Variants in HAND1 observed in about 807,000 individuals in gnomAD.
HAND1 encodes the protein heart and neural crest derivatives expressed 1.
Under a neutral mutation model 14.5 loss-of-function variants are expected in HAND1, and 10 were observed. The observed-to-expected ratio is 0.69, with a 90% CI of 0.42 to 1.17. HAND1 has a LOEUF of 1.17. HAND1 is among the 50% of genes most tolerant of loss of function. The pLI, the probability that HAND1 is intolerant of heterozygous loss-of-function variation, is 0.00. For synonymous variants in HAND1, 128 were observed against 127.1 expected, an observed-to-expected ratio of 1.01 and a Z score of -0.05; for missense variants, 299 against 298.4, an observed-to-expected ratio of 1.00 and a Z score of -0.01.
In HAND1 at chr5:154,478,014, A is replaced by G; in HGVS notation, c.-6T>C. On this transcript the variant is annotated 5_prime_UTR_variant, in exon 1 of 2. Transcript: ENST00000231121. This position sits in a 1 kb window ranked among gnomAD's most constrained non-coding sequence, Gnocchi z 4.5. ...TAGCTGCCCACGAGGTTCATGTTGG[A>G]GCGGCTACTGGCCTGCGCCGCCAGC... The G allele has an allele frequency of 6.3e-7, 1 of 1,597,312 alleles. No individual in the cohort carries two copies. Among genetic ancestry groups the G allele is most frequent in the East Asian group, 2.2e-5 (1 of 44,848 alleles).
chr5:154,475,854 T>C lies in HAND1; in HGVS notation c.600A>G (p.Gly200=), dbSNP rs942295767. 3 of 1,614,044 alleles carry C rather than the reference T, an allele frequency of 1.9e-6. No individual in the cohort carries two copies. Among genetic ancestry groups the C allele is most frequent in the Admixed American group, 3.3e-5 (2 of 60,026 alleles). The change falls in exon 2 of 2, where the codon GGA becomes GGG. Residue 200 remains glycine (G), a synonymous_variant. Coordinates refer to ENST00000231121, the MANE Select transcript of HAND1 (RefSeq NM_004821.3). ...AGACTTGCTGCGGCCAGCCGGTGCG[T>C]CCTTTAATCCTCTTCTCGACTGGGC... ...ALGPVEKRIK[G]RTGWPQQVWA... is the part of the protein sequence containing the mutation.
At chr5:154,475,974 C>A in intron 1 of HAND1, 64 bp from the exon 2 acceptor site, 2 of 1,257,384 alleles carry the variant, frequency 1.6e-6, no homozygotes, top group South Asian at 1.2e-5. Context: ...CTGCTCCGAT[C>A]GCCCGGCATG....
At position 154,475,734 on chromosome 5, in the gene HAND1, G is replaced by C; in HGVS notation, c.*72C>G. ...CGCCGGAGCCCAGAGCCTGGCGTTC[G>C]CCGCTGCCTTCCTCTCCTCCCGGGG... On this transcript the variant is annotated 3_prime_UTR_variant, in exon 2 of 2. Transcript: ENST00000231121. 8.9e-7 allele frequency: 1 copy of C among 1,129,104 alleles called. No individual in the cohort carries two copies. The highest frequency in any genetic ancestry group is 1.2e-5 in the South Asian group (1 of 80,276). The allele number at this position is 1,129,104 out of a possible 1,614,324, so 69.9% of individuals were successfully genotyped here.
chr5:154,477,197 G>T (rs1026461959), intron 1 of HAND1, among the ~76,000 whole-genome samples: 2 of 152,206 alleles, frequency 1.3e-5, no homozygotes, highest in Admixed American at 1.3e-4. Context: ...AGCAAAACCT[G>T]TGGTGTGTGC....
chr5:154,477,468 G>C lies in HAND1; in HGVS notation c.541C>G (p.Leu181Val). The change falls in exon 1 of 2, where the codon CTG becomes GTG. Residue 181 changes from leucine (L) to valine (V), a missense_variant and splice_region_variant. Leu to Val is a conservative substitution (Grantham distance 32). Coordinates refer to ENST00000231121, the MANE Select transcript of HAND1 (RefSeq NM_004821.3). ...AGCATGCAAGCCCCAGGACTCACCA[G>C]CTCCCTTTTCCGCTTGCTCTCACGG... ...GGRESKRKRE[L>V]QQHEGFPPAL... 1.9e-6 allele frequency: 3 copies of C among 1,613,262 alleles called. No individual in the cohort carries two copies. The highest frequency in any genetic ancestry group is 2.5e-6 in the Non-Finnish European group (3 of 1,179,320).
rs1219669852 is a variant in HAND1 at position 154,477,803 on chromosome 5, G to T, written c.206C>A (p.Ala69Asp). The T allele has an allele frequency of 1.3e-6, 2 of 1,586,212 alleles. No individual in the cohort carries two copies. Among genetic ancestry groups the T allele is most frequent in the Middle Eastern group, 1.8e-4 (1 of 5,712 alleles). ...GGPPPAAAAA[A>D]TAYGPDARPG... ...CCTGGCGTCAGGACCATAGGCGGTG[G>T]CGGCTGCAGCGGCCGCGGGCGGCGG... The change falls in exon 1 of 2, where the codon GCC (alanine) becomes GAC (aspartate). Residue 69 changes from alanine (A) to aspartate (D), a missense_variant. Physicochemically the swap from Ala to Asp is moderately radical, Grantham distance 126. Coordinates refer to ENST00000231121, the MANE Select transcript of HAND1 (RefSeq NM_004821.3).
In HAND1 at chr5:154,478,161, A is replaced by T; in HGVS notation, c.-153T>A. 1.3e-6 allele frequency: 1 copy of T among 789,212 alleles called. No individual in the cohort carries two copies. Among genetic ancestry groups the T allele is most frequent in the Non-Finnish European group, 2.0e-6 (1 of 490,496 alleles). 48.9% of individuals were successfully genotyped at this position (789,212 alleles called of 1,614,324 possible). On this transcript the variant is annotated 5_prime_UTR_variant, in exon 1 of 2. Transcript: ENST00000231121. This position sits in a 1 kb window ranked among gnomAD's most constrained non-coding sequence, Gnocchi z 4.5. ...AGGCTGAAAATGAGACGCGCAGCCC[A>T]CTGTCTTCTTACCGGTTTCTGCCGC...
rs1757579727 is a variant in HAND1 at position 154,478,111 on chromosome 5, C to A, written c.-103G>T. The A allele has an allele frequency of 1.5e-6, 2 of 1,375,144 alleles. No homozygotes were observed. The highest frequency in any genetic ancestry group is 2.0e-6 in the Non-Finnish European group (2 of 986,992). The allele number at this position is 1,375,144 out of a possible 1,614,324, so 85.2% of individuals were successfully genotyped here. ...TGTGGGCTCTGGAGCCACTACTGGG[C>A]GCCGGCTTTGGGAGAGTCCGGGCAA... On this transcript the variant is annotated 5_prime_UTR_variant, in exon 1 of 2. Coordinates refer to ENST00000231121, the MANE Select transcript of HAND1 (RefSeq NM_004821.3). The surrounding 1 kb of genome is among the most constrained non-coding windows in gnomAD (Gnocchi z 4.5).
Position 154,477,902 on chromosome 5 carries a change from T to A in HAND1, c.107A>T (p.His36Leu). The A allele has an allele frequency of 6.3e-7, 1 of 1,600,000 alleles. No homozygotes were observed. Among genetic ancestry groups the A allele is most frequent in the South Asian group, 1.1e-5 (1 of 91,084 alleles). The stretch of plus-strand genomic sequence containing the variant: ...GCTCTGGAAGTAGGGCCTTTCCTGA[T>A]GACAGCGCGAGGCCGGACCGAAGAG... Reference protein sequence around the residue: ...PFLFGPASRCHQERPYFQSWL... With the variant: ...PFLFGPASRCLQERPYFQSWL... The change falls in exon 1 of 2, where the codon CAT becomes CTT. Residue 36 changes from histidine (H) to leucine (L), a missense_variant. Transcript: ENST00000231121.
Position 154,478,061 on chromosome 5 carries a change from G to T in HAND1, c.-53C>A, listed in dbSNP as rs1224136564. 1.9e-6 allele frequency: 3 copies of T among 1,591,924 alleles called. No homozygotes were observed. Among genetic ancestry groups the T allele is most frequent in the Non-Finnish European group, 2.6e-6 (3 of 1,176,344 alleles). On this transcript the variant is annotated 5_prime_UTR_variant, in exon 1 of 2. Transcript: ENST00000231121. The surrounding 1 kb of genome is among the most constrained non-coding windows in gnomAD (Gnocchi z 4.5). Reference sequence around the variant, plus strand: ...CAGCCCTATTAACGCCGCTCCATGCGCCCCAGAGACTGCCGGGGGCCACCT... The same window carrying T: ...CAGCCCTATTAACGCCGCTCCATGCTCCCCAGAGACTGCCGGGGGCCACCT...
Position 154,477,865 on chromosome 5 carries a change from G to GC in HAND1, c.143dup (p.Ser48ArgfsTer4). ...GGAAGTCCGGGGCAGCGTCAGCCGG[G>GC]CTCAGCAGCCAGCTCTGGAAGTAGG... is the stretch of plus-strand genomic sequence containing the variant. On this transcript the variant is annotated frameshift_variant, in exon 1 of 2. Coordinates refer to ENST00000231121, the MANE Select transcript of HAND1 (RefSeq NM_004821.3). LOFTEE classifies it high-confidence loss of function. 6.2e-7 allele frequency: 1 copy of GC among 1,601,586 alleles called. No individual in the cohort carries two copies. Among genetic ancestry groups the GC allele is most frequent in the Non-Finnish European group, 8.5e-7 (1 of 1,179,682 alleles).
rs1022951915 is a variant in HAND1, at chr5:154,475,757, G to A, written c.*49C>T. On this transcript the variant is annotated 3_prime_UTR_variant, in exon 2 of 2. Coordinates refer to ENST00000231121, the MANE Select transcript of HAND1 (RefSeq NM_004821.3). Reference sequence around the variant, plus strand: ...TCGCCGCTGCCTTCCTCTCCTCCCGGGGCTTCAGGAGTGGCTGGCCTGGCC... The same window carrying A: ...TCGCCGCTGCCTTCCTCTCCTCCCGAGGCTTCAGGAGTGGCTGGCCTGGCC... 4.6e-6 allele frequency: 6 copies of A among 1,316,956 alleles called. No individual in the cohort carries two copies. Among genetic ancestry groups the A allele is most frequent in the African/African-American group, 4.3e-5 (3 of 69,206 alleles). 81.6% of individuals were successfully genotyped at this position (1,316,956 alleles called of 1,614,324 possible). A position where few individuals can be genotyped will look rare whatever the true frequency, so the allele number is the denominator to read the frequency against.
rs549580359 is a variant in HAND1, at chr5:154,478,049, G to A, written c.-41C>T. ...GGCCTGCGCCGCCAGCCCTATTAAC[G>A]CCGCTCCATGCGCCCCAGAGACTGC... is the stretch of plus-strand genomic sequence containing the variant. On this transcript the variant is annotated 5_prime_UTR_variant, in exon 1 of 2. Coordinates refer to ENST00000231121, the MANE Select transcript of HAND1 (RefSeq NM_004821.3). The surrounding 1 kb of genome is among the most constrained non-coding windows in gnomAD (Gnocchi z 4.5). 6.3e-7 allele frequency: 1 copy of A among 1,594,996 alleles called. No individual in the cohort carries two copies. Among genetic ancestry groups the A allele is most frequent in the African/African-American group, 1.3e-5 (1 of 74,972 alleles).
At position 154,475,525 on chromosome 5, in the gene HAND1, C is replaced by A; in HGVS notation, c.*281G>T. ...TGAGCCCTTGGGTTCGACAGTCCCT[C>A]CTTCTTGCATGTTGCCGCCAAGGGC... is the stretch of plus-strand genomic sequence containing the variant. On this transcript the variant is annotated 3_prime_UTR_variant, in exon 2 of 2. Transcript: ENST00000231121. The A allele has an allele frequency of 2.1e-6, 1 of 479,734 alleles. No homozygotes were observed. Among genetic ancestry groups the A allele is most frequent in the Non-Finnish European group, 3.8e-6 (1 of 262,562 alleles). The allele number at this position is 479,734 out of a possible 1,614,324, so 29.7% of individuals were successfully genotyped here.
In HAND1 at chr5:154,477,813, C is replaced by T. The variant is rs1190602578; in HGVS notation, c.196G>A (p.Ala66Thr). 3.8e-6 allele frequency: 6 copies of T among 1,587,564 alleles called. No homozygotes were observed. In the Admixed American group the frequency reaches 6.9e-5, roughly 18 times the overall value. The change falls in exon 1 of 2, where the codon GCT becomes ACT. Residue 66 changes from alanine (A) to threonine (T), a missense_variant. Ala to Thr is a moderately conservative substitution (Grantham distance 58, BLOSUM62 0). Transcript: ENST00000231121. ...FPAGGPPPAA[A>T]AAATAYGPDA... ...GGACCATAGGCGGTGGCGGCTGCAGCGGCCGCGGGCGGCGGCCCGCCCGCA... is the reference window on the plus strand; with the variant it reads ...GGACCATAGGCGGTGGCGGCTGCAGTGGCCGCGGGCGGCGGCCCGCCCGCA...
rs779794386 is a variant in HAND1, at chr5:154,475,790, C to T, written c.*16G>A. On this transcript the variant is annotated 3_prime_UTR_variant, in exon 2 of 2. Coordinates refer to ENST00000231121, the MANE Select transcript of HAND1 (RefSeq NM_004821.3). ...GGAGTGGCTGGCCTGGCCAGGTCCT[C>T]GGCGCGGGCCTCGGCTCACTGGTTT... The T allele has an allele frequency of 6.3e-7, 1 of 1,589,918 alleles. No individual in the cohort carries two copies. The highest frequency in any genetic ancestry group is 1.1e-5 in the South Asian group (1 of 90,552).
In HAND1 at chr5:154,475,095, C is replaced by T. The variant is rs953511599; in HGVS notation, c.*711G>A. On this transcript the variant is annotated 3_prime_UTR_variant, in exon 2 of 2. Coordinates refer to ENST00000231121, the MANE Select transcript of HAND1 (RefSeq NM_004821.3). The stretch of plus-strand genomic sequence containing the variant: ...TTGGGGATGGCAGGATGAACAAACA[C>T]CTGAGCACAACAGGCATGGTAGGTA... The T allele has an allele frequency of 6.6e-6, 1 of 152,552 alleles. No individual in the cohort carries two copies. The highest frequency in any genetic ancestry group is 2.4e-5 in the African/African-American group (1 of 41,376). The allele number at this position is 152,552 out of a possible 1,614,324, so 9.4% of individuals were successfully genotyped here. A position where few individuals can be genotyped will look rare whatever the true frequency, so the allele number is the denominator to read the frequency against.
intron 1 of HAND1, among the ~76,000 whole-genome samples, chr5:154,476,315 G>A (rs1403667122): frequency 1.3e-5 from 2 of 152,150 alleles, no homozygotes; most frequent in Non-Finnish European, 2.9e-5. Flanking sequence ...TTAAACATCA[G>A]GGCTTGGATG....
In HAND1 at chr5:154,477,767, C is replaced by G. The variant is rs763518945; in HGVS notation, c.242G>C (p.Ser81Thr). The G allele has an allele frequency of 5.0e-6, 8 of 1,607,440 alleles. No homozygotes were observed. The highest frequency in any genetic ancestry group is 6.8e-6 in the Non-Finnish European group (8 of 1,178,526). The part of the protein sequence containing the change: ...AYGPDARPGQ[S>T]PGRLEALGGR... ...GCCAAGCGCCTCCAGCCGCCCGGGG[C>G]TCTGCCCAGGCCTGGCGTCAGGACC... Residue 81 changes from serine to threonine, a missense_variant, in exon 1 of 2, where the codon AGC becomes ACC. Transcript: ENST00000231121.
Sources: allele counts gnomAD v4.1 joint callset (sites outside exome capture counted in the v4.1 genomes callset), GRCh38; gene constraint gnomAD v4.1.1; non-coding constraint Gnocchi (gnomAD v3.1); transcripts MANE v1.5; gene names NCBI Gene and HGNC (gene_info 2026-07-23, HGNC 2026-07-21).